The following PLEKHA5 variants were observed in gnomAD, a reference collection of about 807,000 sequenced individuals.
PLEKHA5 encodes the protein pleckstrin homology domain-containing family A member 5.
A neutral mutation model predicts 181.9 loss-of-function variants in PLEKHA5; 55 were observed. That is an observed-to-expected ratio of 0.30 (90% CI 0.24 to 0.38). PLEKHA5 has a LOEUF of 0.38. PLEKHA5 is among the 10% of genes least tolerant of loss of function. The pLI is 1.00. For synonymous variants in PLEKHA5, 535 were observed against 529.4 expected, an observed-to-expected ratio of 1.01 and a Z score of -0.15; for missense variants, 1,432 against 1,549.5, an observed-to-expected ratio of 0.92 and a Z score of 1.27.
intron 16 of PLEKHA5, among the ~76,000 whole-genome samples, chr12:19,319,185 A>G (rs1407972571): frequency 6.6e-6 from 1 of 152,170 alleles, no homozygotes; most frequent in Admixed American, 6.5e-5. Flanking sequence ...GAATAGTATA[A>G]GAGTATTCTA....
Position 19,358,259 on chromosome 12 carries a change from G to A in PLEKHA5, c.3170G>A (p.Cys1057Tyr). Residue 1057 changes from cysteine (C) to tyrosine (Y), a missense_variant, in exon 27 of 32, where the codon TGT becomes TAT. Cys to Tyr is a radical substitution (Grantham distance 194, BLOSUM62 -2). Transcript: ENST00000429027. ...CCAAGAAGTGCAGTGGAACAGCTCT[G>A]TTTGGCTGAAAGTACTCGACCAAGG... Reference protein sequence around the residue: ...ERPRSAVEQLCLAESTRPRMT... With the variant: ...ERPRSAVEQLYLAESTRPRMT... 1.2e-6 allele frequency: 2 copies of A among 1,613,890 alleles called. No individual in the cohort carries two copies. Among genetic ancestry groups the A allele is most frequent in the South Asian group, 2.2e-5 (2 of 91,072 alleles).
At chr12:19,222,096 G>C (rs1395873205) in intron 3 of PLEKHA5, among the ~76,000 whole-genome samples, 1 of 151,784 alleles carries the variant, frequency 6.6e-6, no homozygotes. Flanking sequence ...CGAGACCCCC[G>C]TCTCTAAAAT....
Position 19,365,990 on chromosome 12 carries a change from A to G in PLEKHA5, c.3635A>G (p.Asn1212Ser), listed in dbSNP as rs2095413555. The part of the protein sequence containing the change: ...FSPQDETQTA[N>S]HKPEEHPEEN... ...CCTCAAGATGAAACACAGACCGCAA[A>G]TCATAAACCAGAAGAGCATCCTGAA... Residue 1212 changes from asparagine to serine, a missense_variant, in exon 30 of 32, where the codon AAT becomes AGT. By Grantham distance (46) the Asn-to-Ser change is conservative. Coordinates refer to ENST00000429027, the MANE Select transcript of PLEKHA5 (RefSeq NM_001256470.2). 3 of 1,611,448 alleles carry G rather than the reference A, an allele frequency of 1.9e-6. No homozygotes were observed. Among genetic ancestry groups the G allele is most frequent in the Non-Finnish European group, 2.5e-6 (3 of 1,179,238 alleles).
In PLEKHA5 at chr12:19,356,097, G is replaced by A. The variant is rs528604618; in HGVS notation, c.3138+2095G>A. ...TAAGAATTACTTGAACCCAGGAGGCGGAGGTCGCAGTGAGTCGAGATTGTA... is the reference window on the plus strand; with the variant it reads ...TAAGAATTACTTGAACCCAGGAGGCAGAGGTCGCAGTGAGTCGAGATTGTA... On this transcript the variant is annotated intron_variant, in intron 26 of 31. Coordinates refer to ENST00000429027, the MANE Select transcript of PLEKHA5 (RefSeq NM_001256470.2). Among the ~76,000 whole-genome samples, 15 of 151,812 alleles carry A rather than the reference G, an allele frequency of 9.9e-5. No homozygotes were observed. The East Asian group carries it at 2.3e-3, about 24-fold the overall frequency.
At chr12:19,221,023 TTG>T (rs2152301835) in intron 3 of PLEKHA5, among the ~76,000 whole-genome samples, 1 of 152,298 alleles carries the variant, frequency 6.6e-6, no homozygotes, top group Admixed American at 6.5e-5. Context: ...GCTGGCAAGA[TTG>T]TGAATCAACA....
At chr12:19,283,009 T>C (rs1399290456) in intron 11 of PLEKHA5, among the ~76,000 whole-genome samples, 1 of 151,760 alleles carries the variant, frequency 6.6e-6, no homozygotes, top group African/African-American at 2.4e-5. Context: ...CAGCCGGGCA[T>C]GGTGGTGGAT....
At chr12:19,161,465 T>C (rs1335109905) in intron 3 of PLEKHA5, among the ~76,000 whole-genome samples, 1 of 152,200 alleles carries the variant, frequency 6.6e-6, no homozygotes, top group Non-Finnish European at 1.5e-5. Context: ...GACTTACCGG[T>C]TAGCTGCTTA....
intron 15 of PLEKHA5, among the ~76,000 whole-genome samples, chr12:19,300,265 T>C (rs1422928231): frequency 6.6e-6 from 1 of 152,230 alleles, no homozygotes; most frequent in Non-Finnish European, 1.5e-5. Flanking sequence ...TCAAAGTTAA[T>C]GGATCATTCT....
chr12:19,277,085 A>G (rs2074757303), intron 11 of PLEKHA5, among the ~76,000 whole-genome samples: 2 of 152,204 alleles, frequency 1.3e-5, no homozygotes, highest in South Asian at 4.1e-4. Flanking sequence ...GAATAAGCTT[A>G]TATATTACTA....
chr12:19,172,427 C>G (rs1325416399), intron 3 of PLEKHA5, among the ~76,000 whole-genome samples: 1 of 150,778 alleles, frequency 6.6e-6, no homozygotes, highest in African/African-American at 2.4e-5. Flanking sequence ...TAAAGAACTC[C>G]CAAAACTCAC....
At chr12:19,371,580 A>G (rs2095577628) in intron 31 of PLEKHA5, 2 of 181,660 alleles carry the variant, frequency 1.1e-5, no homozygotes, top group African/African-American at 2.4e-5. Context: ...TCCTTTCCTG[A>G]GTTACTTTAC....
chr12:19,270,161 C>A, intron 9 of PLEKHA5, 27 bp from the exon 10 acceptor site: 2 of 1,406,148 alleles, frequency 1.4e-6, no homozygotes, highest in Non-Finnish European at 9.4e-7. Context: ...TCCTAACATT[C>A]AAACTGAATG....
chr12:19,366,235 GCCTCC>G, intron 30 of PLEKHA5, 126 bp downstream of exon 30: 1 of 736,810 alleles, frequency 1.4e-6, no homozygotes, highest in South Asian at 1.7e-5. Flanking sequence ...GTCAACGTTT[GCCTCC>G]CCAAGTGTAC....
In PLEKHA5 at chr12:19,130,006, G is replaced by A. The variant is rs770972506; in HGVS notation, c.90-45G>A. The A allele has an allele frequency of 1.3e-6, 2 of 1,498,872 alleles. No homozygotes were observed. Among genetic ancestry groups the A allele is most frequent in the Non-Finnish European group, 9.1e-7 (1 of 1,102,786 alleles). 92.8% of individuals were successfully genotyped at this position (1,498,872 alleles called of 1,614,324 possible). The stretch of plus-strand genomic sequence containing the variant: ...CTGCAGCCCCTCGGCTCGCCCCCGC[G>A]TCCCCTCTCACGCTCCGTGTCTGCC... On this transcript the variant is annotated intron_variant, in intron 1 of 31. Transcript: ENST00000429027. This position sits in a 1 kb window ranked among gnomAD's most constrained non-coding sequence, Gnocchi z 4.5.
At chr12:19,252,090 C>A (rs2065481979) in intron 3 of PLEKHA5, among the ~76,000 whole-genome samples, 1 of 152,112 alleles carries the variant, frequency 6.6e-6, no homozygotes, top group East Asian at 1.9e-4. Flanking sequence ...TCTACTCTTA[C>A]AATAGTCAAT....
intron 20 of PLEKHA5, among the ~76,000 whole-genome samples, chr12:19,334,837 T>A (rs367609535): frequency 0.48 from 9,793 of 20,218 alleles, 2,488 homozygotes; most frequent in Admixed American, 0.63. Flanking sequence ...AAAATATATA[T>A]ATATATATAT....
chr12:19,204,306 G>A lies in PLEKHA5; in HGVS notation c.228-49634G>A, dbSNP rs568783296. On this transcript the variant is annotated intron_variant, in intron 3 of 31. Transcript: ENST00000429027. The stretch of plus-strand genomic sequence containing the variant: ...CCCACTCTGTCAGTGACTTGCTGTC[G>A]TGAGCTTGGTGCATGTCAAGTGTTC... Among the ~76,000 whole-genome samples the A allele has an allele frequency of 8.5e-5, 13 of 152,214 alleles. No homozygotes were observed. The East Asian group carries it at 9.6e-4, about 11-fold the overall frequency.
chr12:19,254,114 A>G (rs960021757), intron 4 of PLEKHA5, 91 bp downstream of exon 4: 2 of 780,942 alleles, frequency 2.6e-6, no homozygotes, highest in Non-Finnish European at 4.4e-6. Context: ...CAGTTTTCTT[A>G]TCTGGACATT....
intron 3 of PLEKHA5, among the ~76,000 whole-genome samples, chr12:19,193,800 G>T (rs372720591): frequency 1.2e-3 from 180 of 152,306 alleles, no homozygotes; most frequent in Middle Eastern, 3.4e-3. Flanking sequence ...GCAAGGCTGT[G>T]CAAGGATGGT....
Sources: allele counts gnomAD v4.1 joint callset (sites outside exome capture counted in the v4.1 genomes callset), GRCh38; gene constraint gnomAD v4.1.1; non-coding constraint Gnocchi (gnomAD v3.1); transcripts MANE v1.5; gene names NCBI Gene and HGNC (gene_info 2026-07-23, HGNC 2026-07-21).